The following ANKFY1 variants were observed in gnomAD, a reference collection of about 807,000 sequenced individuals.
ANKFY1 encodes ankyrin repeat and FYVE domain-containing protein 1.
Under a neutral mutation model 128.3 loss-of-function variants are expected in ANKFY1, and 47 were observed. The observed-to-expected ratio is 0.37, with a 90% confidence interval of 0.29 to 0.47. The LOEUF is 0.47. Among genes scored for constraint, ANKFY1 ranks in the 20% least tolerant of loss-of-function variants. ANKFY1 has a pLI of 1.00. For missense variants in ANKFY1, 1,222 were observed against 1,510.6 expected (o/e 0.81, Z 3.17); for synonymous variants, 553 against 601.6 (o/e 0.92, Z 1.18).
chr17:4,207,859 T>G (rs1598077173), intron 6 of ANKFY1, 74 bp downstream of exon 6: 6 of 1,424,090 alleles, frequency 4.2e-6, no homozygotes, highest in South Asian at 1.5e-5. Context: ...CGGAAGGAAG[T>G]GAGAAGTACC....
At chr17:4,212,194 T>C (rs1283671301) in intron 4 of ANKFY1, among the ~76,000 whole-genome samples, 1 of 152,214 alleles carries the variant, frequency 6.6e-6, no homozygotes. Flanking sequence ...ACGACTAGTA[T>C]GGTTTCACGA....
rs3051790 is a variant in ANKFY1 at position 4,194,458 on chromosome 17, CTTTTT to C, written c.1372+515_1372+519del. The C allele has an allele frequency of 2.9e-3, 299 of 101,930 alleles. 1 individual carries two copies. The highest frequency in any genetic ancestry group is 4.2e-3 in the Non-Finnish European group (226 of 53,782). The allele number at this position is 101,930 out of a possible 1,614,324, so 6.3% of individuals were successfully genotyped here. On this transcript the variant is annotated intron_variant, in intron 10 of 24. Transcript: ENST00000341657. ...GGGAAAGGGCTGTTTTAATATCCAT[CTTTTT>C]TTTTTTTTTTTTTTTTGGTCAAGTC...
At chr17:4,208,830 G>A (rs1416990813) in intron 5 of ANKFY1, among the ~76,000 whole-genome samples, 1 of 152,110 alleles carries the variant, frequency 6.6e-6, no homozygotes, top group Non-Finnish European at 1.5e-5. Flanking sequence ...CGAGGTGGGC[G>A]GATCGATCAC....
chr17:4,242,198 C>T, intron 2 of ANKFY1, 58 bp downstream of exon 2: 1 of 1,410,674 alleles, frequency 7.1e-7, no homozygotes, highest in Non-Finnish European at 9.4e-7. Flanking sequence ...ATGAGAAAAG[C>T]TGTAGTGTGG....
chr17:4,210,317 GAACACCACTTTAGTTCCCAC>G (rs1223887256), intron 4 of ANKFY1, among the ~76,000 whole-genome samples: 2 of 152,166 alleles, frequency 1.3e-5, no homozygotes, highest in African/African-American at 2.4e-5. Context: ...TAACTGTGTG[GAACACCACTTTAGTTCCCAC>G]AACTGCATGA....
intron 19 of ANKFY1, among the ~76,000 whole-genome samples, chr17:4,175,911 C>T (rs956560114): frequency 2.0e-5 from 3 of 152,236 alleles, no homozygotes; most frequent in East Asian, 3.9e-4. Flanking sequence ...TGTTTCTGGG[C>T]GATCCTATCA....
rs2059170064 is a variant in ANKFY1 at position 4,164,054 on chromosome 17, A to G, written c.*3725T>C. Reference sequence around the variant, plus strand: ...ATGATACCATCACCCCACACTGAGCACCACCCCGAAGGGGCTGGAAGCCAG... The same window carrying G: ...ATGATACCATCACCCCACACTGAGCGCCACCCCGAAGGGGCTGGAAGCCAG... On this transcript the variant is annotated 3_prime_UTR_variant, in exon 25 of 25. Transcript: ENST00000341657. The G allele has an allele frequency of 6.5e-6, 1 of 152,682 alleles. No homozygotes were observed. Among genetic ancestry groups the G allele is most frequent in the African/African-American group, 2.4e-5 (1 of 41,468 alleles). 9.5% of individuals were successfully genotyped at this position (152,682 alleles called of 1,614,324 possible).
chr17:4,254,098 G>A (rs1433394208), intron 1 of ANKFY1, among the ~76,000 whole-genome samples: 2 of 152,236 alleles, frequency 1.3e-5, no homozygotes, highest in South Asian at 4.1e-4. Context: ...GAGGTCAGGA[G>A]ATCAAGACCA....
intron 19 of ANKFY1, among the ~76,000 whole-genome samples, chr17:4,176,850 GGATCTCC>G (rs2059419311): frequency 6.6e-6 from 1 of 152,186 alleles, no homozygotes; most frequent in Non-Finnish European, 1.5e-5. Context: ...GAACACAAGT[GGATCTCC>G]ACTTCCTCGG....
At chr17:4,191,482 A>T (rs2059716529) in intron 10 of ANKFY1, 3 of 151,088 alleles carry the variant, frequency 2.0e-5, no homozygotes, top group Non-Finnish European at 4.4e-5. Flanking sequence ...TGGTTACTCT[A>T]ATCTGGAGAC....
At chr17:4,220,013 TG>T (rs1169348385) in intron 3 of ANKFY1, among the ~76,000 whole-genome samples, 3 of 152,130 alleles carry the variant, frequency 2.0e-5, no homozygotes, top group Non-Finnish European at 4.4e-5. Flanking sequence ...TTAGTTGAGA[TG>T]GGGTTTCACC....
At chr17:4,262,800 C>A (rs1230922895) in intron 1 of ANKFY1, among the ~76,000 whole-genome samples, 1 of 152,190 alleles carries the variant, frequency 6.6e-6, no homozygotes, top group Non-Finnish European at 1.5e-5. Flanking sequence ...ACAGCTATCT[C>A]TGTAACTTTG....
At chr17:4,168,013 C>A (rs1169889652) in intron 24 of ANKFY1, 102 bp from the exon 25 acceptor site, 3 of 1,307,646 alleles carry the variant, frequency 2.3e-6, no homozygotes, top group East Asian at 2.4e-5. Flanking sequence ...CCAAGGCGCC[C>A]GCAATGCTAC....
chr17:4,188,112 G>A (rs2059645491), intron 11 of ANKFY1: 1 of 152,316 alleles, frequency 6.6e-6, no homozygotes, highest in East Asian at 1.9e-4. Flanking sequence ...GAGAGGGCAC[G>A]AGATGCTGAG....
chr17:4,204,533 A>C (rs1337098871), intron 7 of ANKFY1, among the ~76,000 whole-genome samples: 1 of 152,230 alleles, frequency 6.6e-6, no homozygotes, highest in African/African-American at 2.4e-5. Context: ...AGCAATTAAT[A>C]AACTCAGAGT....
rs1251859949 is a variant in ANKFY1 at position 4,167,875 on chromosome 17, C to T, written c.3414G>A (p.Ser1138=). The part of the protein sequence containing the change: ...HCGRLLCHKC[S]TKEIPIIKFD... ...ACTTTATAATAGGAATCTCCTTGGTCGAGCATTTATGGCAAAGAAGACGTC... is the reference window on the plus strand; with the variant it reads ...ACTTTATAATAGGAATCTCCTTGGTTGAGCATTTATGGCAAAGAAGACGTC... The change falls in exon 25 of 25, where the codon TCG becomes TCA. Residue 1138 remains serine, a synonymous_variant. Transcript: ENST00000341657. The surrounding 1 kb of genome is among the most constrained non-coding windows in gnomAD (Gnocchi z 4.1). 10 of 1,613,780 alleles carry T rather than the reference C, an allele frequency of 6.2e-6. No homozygotes were observed. Among genetic ancestry groups the T allele is most frequent in the East Asian group, 4.5e-5 (2 of 44,896 alleles).
chr17:4,242,241 T>TAGGAGCTCTCC lies in ANKFY1; in HGVS notation c.203+4_203+14dup. 6.6e-7 allele frequency: 1 copy of TAGGAGCTCTCC among 1,511,108 alleles called. No homozygotes were observed. Among genetic ancestry groups the TAGGAGCTCTCC allele is most frequent in the Non-Finnish European group, 8.8e-7 (1 of 1,135,588 alleles). The allele number at this position is 1,511,108 out of a possible 1,614,324, so 93.6% of individuals were successfully genotyped here. On this transcript the variant is annotated intron_variant, in intron 2 of 24. Coordinates refer to ENST00000341657, the MANE Select transcript of ANKFY1 (RefSeq NM_001330063.2). ...ATAAAGCCAAAGGGCCTTCTGTGTC[T>TAGGAGCTCTCC]AGGAGCTCTCCCACCTGTACTGCTC...
rs1053565910 is a variant in ANKFY1, at chr17:4,164,958, T to C, written c.*2821A>G. ...GCAATCGAATCCAGCCTCAACTAAA[T>C]TGGTAATTGGGGTTGACCGTGCACA... On this transcript the variant is annotated 3_prime_UTR_variant, in exon 25 of 25. Transcript: ENST00000341657. The C allele has an allele frequency of 6.6e-6, 1 of 152,596 alleles. No homozygotes were observed. Among genetic ancestry groups the C allele is most frequent in the Non-Finnish European group, 1.5e-5 (1 of 68,042 alleles). The allele number at this position is 152,596 out of a possible 1,614,324, so 9.5% of individuals were successfully genotyped here.
intron 19 of ANKFY1, among the ~76,000 whole-genome samples, chr17:4,175,722 G>A (rs1051220816): frequency 1.3e-5 from 2 of 152,168 alleles, no homozygotes; most frequent in Non-Finnish European, 2.9e-5. Context: ...CATACGGGAC[G>A]TCTCACAGAT....
Sources: gnomAD v4.1 joint callset for allele counts (sites outside exome capture counted in the v4.1 genomes callset) on GRCh38, gnomAD v4.1.1 for gene constraint, Gnocchi (gnomAD v3.1) non-coding constraint, MANE v1.5 for transcripts, NCBI Gene and HGNC (gene_info 2026-07-23, HGNC 2026-07-21) for gene names.